CADPS: variants seen among roughly 807,000 people sequenced by gnomAD.
The protein encoded by CADPS is calcium-dependent secretion activator 1.
Under a neutral mutation model 167.3 loss-of-function variants are expected in CADPS, and 57 were observed. The ratio of observed to expected loss-of-function variants is 0.34; its 90% CI spans 0.28 to 0.42. The LOEUF is 0.42. Ranked by LOEUF, CADPS falls within the 20% of genes least tolerant of loss-of-function variation. The pLI, the probability that CADPS is intolerant of heterozygous loss-of-function variation, is 1.00. For synonymous variants in CADPS, 676 were observed against 635.3 expected (o/e 1.06, Z -0.96); for missense variants, 1,414 against 1,738.1 (o/e 0.81, Z 3.32).
At chr3:62,798,599 A>C (rs1190571131) in intron 1 of CADPS, among the ~76,000 whole-genome samples, 1 of 152,086 alleles carries the variant, frequency 6.6e-6, no homozygotes, top group Non-Finnish European at 1.5e-5. Flanking sequence ...CTATCCTATT[A>C]GTTCTGTCCC....
Position 62,875,103 on chromosome 3 carries a change from C to T in CADPS, c.-74G>A, listed in dbSNP as rs1341485832. 4.2e-6 allele frequency: 6 copies of T among 1,429,840 alleles called. No individual in the cohort carries two copies. The Admixed American group carries it at 1.4e-4, about 32-fold the overall frequency. The allele number at this position is 1,429,840 out of a possible 1,614,324, so 88.6% of individuals were successfully genotyped here. On this transcript the variant is annotated 5_prime_UTR_variant, in exon 1 of 30. Transcript: ENST00000383710. ...AAAGGTGGGGGGCGCTGGAGGCAGCCGGGGATCAGCTCTCCCGGGTGGGCG... is the reference window on the plus strand; with the variant it reads ...AAAGGTGGGGGGCGCTGGAGGCAGCTGGGGATCAGCTCTCCCGGGTGGGCG...
Position 62,558,266 on chromosome 3 carries a change from T to C in CADPS, c.1645-753A>G, listed in dbSNP as rs543448176. Among the ~76,000 whole-genome samples the C allele has an allele frequency of 1.1e-4, 16 of 152,298 alleles. No homozygotes were observed. The East Asian group carries it at 2.3e-3, about 22-fold the overall frequency. ...GTCACTTGTGCCCTAATGGCAGCCC[T>C]CACTCTACCAACACAAACCATGCCA... On this transcript the variant is annotated intron_variant, in intron 9 of 29. Coordinates refer to ENST00000383710, the MANE Select transcript of CADPS (RefSeq NM_003716.4).
At chr3:62,731,989 G>A (rs894980080) in intron 3 of CADPS, among the ~76,000 whole-genome samples, 6 of 151,916 alleles carry the variant, frequency 3.9e-5, no homozygotes, top group African/African-American at 1.5e-4. Context: ...TAGGGGCAGT[G>A]CATTCAAGGG....
intron 29 of CADPS, among the ~76,000 whole-genome samples, chr3:62,401,299 A>G (rs1706021117): frequency 6.6e-6 from 1 of 152,060 alleles, no homozygotes; most frequent in African/African-American, 2.4e-5. Flanking sequence ...GATGGGGGAA[A>G]ATAAAGGTAA....
At chr3:62,768,650 G>C (rs1003359668) in intron 1 of CADPS, among the ~76,000 whole-genome samples, 1 of 152,036 alleles carries the variant, frequency 6.6e-6, no homozygotes, top group Admixed American at 6.6e-5. Context: ...ACTTCTTAGG[G>C]CTGGGCACTA....
At chr3:62,529,625 G>T (rs2073181343) in intron 13 of CADPS, among the ~76,000 whole-genome samples, 1 of 152,182 alleles carries the variant, frequency 6.6e-6, no homozygotes, top group South Asian at 2.1e-4. Flanking sequence ...GAAGGAGATG[G>T]ATGGCCACAT....
At chr3:62,816,420 G>C (rs972657477) in intron 1 of CADPS, among the ~76,000 whole-genome samples, 1 of 151,988 alleles carries the variant, frequency 6.6e-6, no homozygotes, top group Admixed American at 6.6e-5. Context: ...AAAGTAACTT[G>C]TGTTAAAACA....
At chr3:62,618,375 A>G (rs558083446) in intron 6 of CADPS, among the ~76,000 whole-genome samples, 1 of 152,330 alleles carries the variant, frequency 6.6e-6, no homozygotes, top group East Asian at 1.9e-4. Flanking sequence ...GCCAATCAGA[A>G]ATGGGGTTCT....
At chr3:62,871,586 C>T (rs1249190593) in intron 1 of CADPS, among the ~76,000 whole-genome samples, 1 of 152,016 alleles carries the variant, frequency 6.6e-6, no homozygotes, top group Non-Finnish European at 1.5e-5. Flanking sequence ...CATCTTTTAC[C>T]CATCTACGTG....
At chr3:62,431,325 T>TA (rs2053899818) in intron 28 of CADPS, among the ~76,000 whole-genome samples, 1 of 152,122 alleles carries the variant, frequency 6.6e-6, no homozygotes, top group Non-Finnish European at 1.5e-5. Flanking sequence ...TTCCAGTAGT[T>TA]AAAATCTCTG....
At chr3:62,589,061 A>G in intron 7 of CADPS, among the ~76,000 whole-genome samples, 1 of 122,002 alleles carries the variant, frequency 8.2e-6, no homozygotes, top group Non-Finnish European at 1.8e-5. Flanking sequence ...TGTTTTCACA[A>G]TGTGCATGAA....
At chr3:62,856,393 A>G (rs1359027003) in intron 1 of CADPS, among the ~76,000 whole-genome samples, 4 of 152,186 alleles carry the variant, frequency 2.6e-5, no homozygotes, top group Non-Finnish European at 5.9e-5. Context: ...TGGGGTTTCA[A>G]TGTCATAAAG....
chr3:62,874,235 G>A lies in CADPS; in HGVS notation c.441+354C>T, dbSNP rs933853146. 6.6e-6 allele frequency among the ~76,000 whole-genome samples: 1 copy of A among 152,158 alleles called. No individual in the cohort carries two copies. Among genetic ancestry groups the A allele is most frequent in the African/African-American group, 2.4e-5 (1 of 41,454 alleles). ...AGAGCGCTGGGAGCCCTGCAAGCGA[G>A]CAAGGCCTCTCTGGGCGCCGCGGGC... is the stretch of plus-strand genomic sequence containing the variant. On this transcript the variant is annotated intron_variant, in intron 1 of 29. Transcript: ENST00000383710. The surrounding 1 kb of genome is among the most constrained non-coding windows in gnomAD (Gnocchi z 7.1).
At chr3:62,621,141 C>A (rs773556153) in intron 6 of CADPS, among the ~76,000 whole-genome samples, 5 of 152,292 alleles carry the variant, frequency 3.3e-5, no homozygotes, top group African/African-American at 1.2e-4. Context: ...AAAGACAAAT[C>A]TCTGGATATG....
intron 1 of CADPS, among the ~76,000 whole-genome samples, chr3:62,843,001 C>A (rs1453897718): frequency 6.6e-6 from 1 of 152,066 alleles, no homozygotes; most frequent in East Asian, 1.9e-4. Flanking sequence ...AAGCACATAA[C>A]AAATGTGTTT....
chr3:62,731,805 CAA>C (rs1212456893), intron 3 of CADPS, among the ~76,000 whole-genome samples: 6,701 of 26,372 alleles, frequency 0.25, 95 homozygotes, highest in Middle Eastern at 0.28. Context: ...TGATCATATG[CAA>C]AAAAAAAAAA....
intron 1 of CADPS, among the ~76,000 whole-genome samples, chr3:62,773,286 C>T (rs970360915): frequency 6.6e-6 from 1 of 152,014 alleles, no homozygotes; most frequent in Non-Finnish European, 1.5e-5. Context: ...CAAATATTTA[C>T]TTATTTACAT....
intron 13 of CADPS, among the ~76,000 whole-genome samples, chr3:62,520,742 TGC>T (rs1376571306): frequency 6.6e-6 from 1 of 152,222 alleles, no homozygotes; most frequent in African/African-American, 2.4e-5. Flanking sequence ...TAACAGGAGA[TGC>T]TGCTTTACAA....
intron 3 of CADPS, among the ~76,000 whole-genome samples, chr3:62,702,916 C>T (rs1034969897): frequency 7.2e-5 from 11 of 152,056 alleles, no homozygotes; most frequent in Non-Finnish European, 1.6e-4. Context: ...TTAGGTATCA[C>T]CATTAGCCCC....
Sources: allele counts gnomAD v4.1 joint callset (sites outside exome capture counted in the v4.1 genomes callset), GRCh38; gene constraint gnomAD v4.1.1; non-coding constraint Gnocchi (gnomAD v3.1); transcripts MANE v1.5; gene names NCBI Gene and HGNC (gene_info 2026-07-23, HGNC 2026-07-21).